The following FRS2 variants were observed in gnomAD, a reference collection of about 807,000 sequenced individuals.
FRS2 encodes fibroblast growth factor receptor substrate 2.
A neutral mutation model predicts 43.9 loss-of-function variants in FRS2; 8 were observed. The ratio of observed to expected loss-of-function variants is 0.18; its 90% CI spans 0.11 to 0.33. The LOEUF (loss-of-function observed/expected upper bound fraction) is 0.33, where lower values mean the gene tolerates loss of function less well. Among genes scored for constraint, FRS2 ranks in the 10% least tolerant of loss-of-function variants. The pLI, the probability that FRS2 is intolerant of heterozygous loss-of-function variation, is 1.00. For missense variants in FRS2, 534 were observed against 627.6 expected, an observed-to-expected ratio of 0.85 and a Z score of 1.59; for synonymous variants, 219 against 220.3, an observed-to-expected ratio of 0.99 and a Z score of 0.05.
intron 5 of FRS2, among the ~76,000 whole-genome samples, chr12:69,569,492 A>G (rs1880573620): frequency 6.6e-6 from 1 of 152,162 alleles, no homozygotes; most frequent in South Asian, 2.1e-4. Flanking sequence ...TTCTTCTCTC[A>G]TCATTCACTA....
chr12:69,480,713 T>A (rs2120730475), intron 1 of FRS2, among the ~76,000 whole-genome samples: 1 of 152,350 alleles, frequency 6.6e-6, no homozygotes, highest in South Asian at 2.1e-4. Flanking sequence ...TATCATCCTT[T>A]TTTTGGGTAG....
chr12:69,534,735 G>A (rs1446165763), intron 3 of FRS2, among the ~76,000 whole-genome samples: 8 of 152,168 alleles, frequency 5.3e-5, no homozygotes, highest in East Asian at 1.9e-4. Context: ...AAGTCTGAGC[G>A]CTGGAGCTTG....
chr12:69,539,822 G>A (rs1877703232), intron 3 of FRS2, among the ~76,000 whole-genome samples: 1 of 152,106 alleles, frequency 6.6e-6, no homozygotes. Context: ...GGGCAGGGTG[G>A]CGGGCGCCTG....
intron 3 of FRS2, among the ~76,000 whole-genome samples, chr12:69,538,657 A>G (rs939888244): frequency 2.0e-5 from 3 of 152,130 alleles, no homozygotes; most frequent in Non-Finnish European, 4.4e-5. Flanking sequence ...GATGGATTCT[A>G]TTGGACTTCC....
chr12:69,545,240 A>G (rs1279196262), intron 3 of FRS2, among the ~76,000 whole-genome samples: 2 of 152,202 alleles, frequency 1.3e-5, no homozygotes, highest in East Asian at 1.9e-4. Context: ...TGCCATTCCT[A>G]TCAAAACCAC....
chr12:69,557,424 C>T (rs1879450605), intron 3 of FRS2, among the ~76,000 whole-genome samples: 1 of 152,142 alleles, frequency 6.6e-6, no homozygotes. Flanking sequence ...ACCTTAAAAG[C>T]ACACACCTTT....
intron 1 of FRS2, among the ~76,000 whole-genome samples, chr12:69,521,071 A>G (rs984564152): frequency 3.9e-5 from 6 of 151,900 alleles, no homozygotes; most frequent in Non-Finnish European, 8.8e-5. Context: ...GTCATCTCTG[A>G]TTTCTTTGAG....
chr12:69,492,697 C>T (rs1210867240), intron 1 of FRS2, among the ~76,000 whole-genome samples: 2 of 152,092 alleles, frequency 1.3e-5, no homozygotes, highest in East Asian at 1.9e-4. Flanking sequence ...AACTATTCTT[C>T]CCTGACGTGA....
At chr12:69,493,886 G>T (rs1432021980) in intron 1 of FRS2, among the ~76,000 whole-genome samples, 1 of 152,072 alleles carries the variant, frequency 6.6e-6, no homozygotes, top group Non-Finnish European at 1.5e-5. Flanking sequence ...CTTTTTCCCT[G>T]ATTAAATATC....
chr12:69,472,910 A>G lies in FRS2; in HGVS notation c.-261+2380A>G, dbSNP rs542328585. 7.9e-5 allele frequency among the ~76,000 whole-genome samples: 12 copies of G among 152,352 alleles called. No individual in the cohort carries two copies. The South Asian group carries it at 1.0e-3, about 13-fold the overall frequency. ...AAAGCGCTATACTAGGCATTTTAGG[A>G]TATAAAGATTAAACTTTTGGTTTTT... On this transcript the variant is annotated intron_variant, in intron 1 of 8. Coordinates refer to ENST00000549921, the MANE Select transcript of FRS2 (RefSeq NM_001278356.2).
At chr12:69,545,278 G>A (rs1466784898) in intron 3 of FRS2, among the ~76,000 whole-genome samples, 4 of 152,032 alleles carry the variant, frequency 2.6e-5, no homozygotes, top group Non-Finnish European at 5.9e-5. Flanking sequence ...AATTAGAAAC[G>A]CCCATTCTGC....
intron 1 of FRS2, among the ~76,000 whole-genome samples, chr12:69,521,452 G>A (rs1875632418): frequency 6.6e-6 from 1 of 152,128 alleles, no homozygotes; most frequent in African/African-American, 2.4e-5. Context: ...AATAGAAGTG[G>A]TGGCAAGAGG....
At chr12:69,555,732 C>T (rs1438320237) in intron 3 of FRS2, among the ~76,000 whole-genome samples, 1 of 152,102 alleles carries the variant, frequency 6.6e-6, no homozygotes, top group East Asian at 1.9e-4. Context: ...GGAACCAATA[C>T]CCAGATACAC....
At chr12:69,506,588 C>G (rs1216275725) in intron 1 of FRS2, among the ~76,000 whole-genome samples, 1 of 151,970 alleles carries the variant, frequency 6.6e-6, no homozygotes, top group Non-Finnish European at 1.5e-5. Context: ...TTTTCAAATG[C>G]TTTTATAGCA....
intron 1 of FRS2, among the ~76,000 whole-genome samples, chr12:69,477,220 A>G (rs1263988086): frequency 6.6e-6 from 1 of 151,194 alleles, no homozygotes; most frequent in Non-Finnish European, 1.5e-5. Context: ...TAAAATTTAT[A>G]TAAATGTTGC....
At chr12:69,543,810 C>A (rs1399966775) in intron 3 of FRS2, among the ~76,000 whole-genome samples, 1 of 152,074 alleles carries the variant, frequency 6.6e-6, no homozygotes, top group Non-Finnish European at 1.5e-5. Flanking sequence ...GCAAGGAGGC[C>A]ACTGTGGCTG....
chr12:69,578,484 C>T lies in FRS2; in HGVS notation c.*3529C>T, dbSNP rs2135836262. ...TATCTATCTTTCCTGTTCTTTACAT[C>T]CCTGTTCCCCATCCCTACTTCCTCA... On this transcript the variant is annotated 3_prime_UTR_variant, in exon 9 of 9. Transcript: ENST00000549921. The T allele has an allele frequency of 6.6e-6, 1 of 152,520 alleles. No individual in the cohort carries two copies. The highest frequency in any genetic ancestry group is 2.1e-4 in the South Asian group (1 of 4,828). The allele number at this position is 152,520 out of a possible 1,614,324, so 9.4% of individuals were successfully genotyped here.
At position 69,576,869 on chromosome 12, in the gene FRS2, AGGTGTGC is replaced by A. The variant is rs1881227673; in HGVS notation, c.*1915_*1921del. The A allele has an allele frequency of 6.6e-6, 1 of 152,642 alleles. No individual in the cohort carries two copies. The allele number at this position is 152,642 out of a possible 1,614,324, so 9.5% of individuals were successfully genotyped here. On this transcript the variant is annotated 3_prime_UTR_variant, in exon 9 of 9. Transcript: ENST00000549921. ...TTCTCTTAAAAGAGAGCAGTGGTAT[AGGTGTGC>A]AGTTTCCATGATGCAGGTTCCATTT...
chr12:69,550,465 C>T (rs149612250), intron 3 of FRS2, among the ~76,000 whole-genome samples: 3 of 152,298 alleles, frequency 2.0e-5, no homozygotes, highest in Admixed American at 1.3e-4. Context: ...AGTAAGAACT[C>T]AGATCTCTCT....
Sources: allele counts gnomAD v4.1 joint callset (sites outside exome capture counted in the v4.1 genomes callset), GRCh38; gene constraint gnomAD v4.1.1; transcripts MANE v1.5; gene names NCBI Gene and HGNC (gene_info 2026-07-23, HGNC 2026-07-21).